SYNE3: variants seen among roughly 807,000 people sequenced by gnomAD.
SYNE3 encodes the protein nesprin-3.
Under a neutral mutation model 111.2 loss-of-function variants are expected in SYNE3, and 100 were observed. That is an observed-to-expected ratio of 0.90 (90% confidence interval 0.77 to 1.06). The LOEUF is 1.06. SYNE3 is among the 50% of genes least tolerant of loss of function. The probability of loss-of-function intolerance (pLI) is 0.00; values close to 1 mark genes in which losing one functional copy is unlikely to be tolerated. For synonymous variants in SYNE3, 547 were observed against 533.9 expected, an observed-to-expected ratio of 1.02 and a Z score of -0.34; for missense variants, 1,160 against 1,240.3, an observed-to-expected ratio of 0.94 and a Z score of 0.97.
chr14:95,497,055 T>C (rs1302015010), intron 1 of SYNE3, among the ~76,000 whole-genome samples: 1 of 152,216 alleles, frequency 6.6e-6, no homozygotes, highest in Non-Finnish European at 1.5e-5. Context: ...GCTGGAAGAT[T>C]AGGGCCAATT....
chr14:95,418,920 C>T (rs1364339846), intron 17 of SYNE3, among the ~76,000 whole-genome samples: 1 of 152,046 alleles, frequency 6.6e-6, no homozygotes, highest in African/African-American at 2.4e-5. Flanking sequence ...CTTTTCCTCC[C>T]TCTTTCCTTC....
intron 1 of SYNE3, among the ~76,000 whole-genome samples, chr14:95,511,049 A>G (rs1245472480): frequency 6.6e-6 from 1 of 152,378 alleles, no homozygotes; most frequent in Admixed American, 6.5e-5. Context: ...ATGTGCTCAT[A>G]GCACAATGCA....
intron 11 of SYNE3, among the ~76,000 whole-genome samples, chr14:95,442,380 A>G (rs569883689): frequency 2.0e-5 from 3 of 152,274 alleles, no homozygotes; most frequent in African/African-American, 7.2e-5. Context: ...TATATTCCCT[A>G]TGAATTTCAG....
chr14:95,415,276 G>GCCCCCCCCCCCCCCCCCCCCCC lies in SYNE3; in HGVS notation c.*2549_*2550insGGGGGGGGGGGGGGGGGGGGGG. The GCCCCCCCCCCCCCCCCCCCCCC allele has an allele frequency of 1.5e-3, 211 of 139,596 alleles. No individual in the cohort carries two copies. The highest frequency in any genetic ancestry group is 2.9e-3 in the Admixed American group (39 of 13,640). 8.6% of individuals were successfully genotyped at this position (139,596 alleles called of 1,614,324 possible). ...CATAGGAAAGTGGACACCTGGCAAG[G>GCCCCCCCCCCCCCCCCCCCCCC]CCCCCCCACCCACCCACCCTGCCAC... On this transcript the variant is annotated 3_prime_UTR_variant, in exon 18 of 18. Transcript: ENST00000682763.
At chr14:95,438,959 G>C (rs1191597050) in intron 14 of SYNE3, 74 bp downstream of exon 14, 3 of 1,586,356 alleles carry the variant, frequency 1.9e-6, no homozygotes, top group Non-Finnish European at 2.6e-6. Context: ...GGAGGGGCCT[G>C]TGCTGGAGAC....
chr14:95,467,986 C>T lies in SYNE3; in HGVS notation c.145-19G>A. ...ATATTTTCTGTTGTGGACACACAAG[C>T]CAGTTTCCAGGGTTGGCAAAAGGCA... On this transcript the variant is annotated intron_variant, in intron 2 of 17. Coordinates refer to ENST00000682763, the MANE Select transcript of SYNE3 (RefSeq NM_152592.6). 6.3e-7 allele frequency: 1 copy of T among 1,596,582 alleles called. No homozygotes were observed. Among genetic ancestry groups the T allele is most frequent in the Non-Finnish European group, 8.6e-7 (1 of 1,168,704 alleles).
chr14:95,513,773 T>TATATATATATA (rs1890810671), intron 1 of SYNE3, among the ~76,000 whole-genome samples: 2 of 68,602 alleles, frequency 2.9e-5, no homozygotes, highest in Admixed American at 1.3e-4. Flanking sequence ...ATATATATAT[T>TATATATATATA]CAGAATCCAT....
chr14:95,512,274 A>G (rs1443605298), intron 1 of SYNE3, among the ~76,000 whole-genome samples: 1 of 152,244 alleles, frequency 6.6e-6, no homozygotes, highest in African/African-American at 2.4e-5. Flanking sequence ...ATTTTCTAAG[A>G]AAGCATCTGA....
At chr14:95,476,557 A>G (rs1888902320) in intron 1 of SYNE3, among the ~76,000 whole-genome samples, 1 of 152,224 alleles carries the variant, frequency 6.6e-6, no homozygotes, top group Non-Finnish European at 1.5e-5. Flanking sequence ...TGGACTGTCC[A>G]TTTGACTTCC....
At chr14:95,421,792 T>A (rs1204550489) in intron 17 of SYNE3, among the ~76,000 whole-genome samples, 4 of 152,190 alleles carry the variant, frequency 2.6e-5, no homozygotes, top group Non-Finnish European at 5.9e-5. Context: ...ACGCTATCTC[T>A]CAGCTCCTTA....
intron 7 of SYNE3, 144 bp downstream of exon 7, chr14:95,452,103 C>T: frequency 9.7e-7 from 1 of 1,034,452 alleles, no homozygotes; most frequent in South Asian, 2.1e-5. Context: ...CAAGTGAGAA[C>T]CTCTAAAAGC....
chr14:95,456,458 T>C (rs1260790405), intron 5 of SYNE3, among the ~76,000 whole-genome samples: 1 of 152,184 alleles, frequency 6.6e-6, no homozygotes, highest in Non-Finnish European at 1.5e-5. Flanking sequence ...TGTGGGGCTG[T>C]CCTGTGCACT....
chr14:95,504,617 T>C (rs1448205513), intron 1 of SYNE3, among the ~76,000 whole-genome samples: 1 of 152,206 alleles, frequency 6.6e-6, no homozygotes, highest in Non-Finnish European at 1.5e-5. Context: ...CTCCAAGCAC[T>C]ATCTGAATCA....
chr14:95,471,916 CT>C (rs1888554036), intron 2 of SYNE3, among the ~76,000 whole-genome samples: 2 of 152,192 alleles, frequency 1.3e-5, no homozygotes, highest in Admixed American at 1.3e-4. Flanking sequence ...AGGGTTTTCC[CT>C]CAACCCAGCC....
Position 95,452,234 on chromosome 14 carries a change from C to T in SYNE3, c.1274+13G>A. 1.3e-6 allele frequency: 2 copies of T among 1,581,974 alleles called. No individual in the cohort carries two copies. Among genetic ancestry groups the T allele is most frequent in the South Asian group, 1.1e-5 (1 of 88,040 alleles). On this transcript the variant is annotated intron_variant, in intron 7 of 17. Coordinates refer to ENST00000682763, the MANE Select transcript of SYNE3 (RefSeq NM_152592.6). ...ACACCCTGAGTCCCACCACCCTTGGCCTTCCCAGATACCTCTGATACTCCT... is the reference window on the plus strand; with the variant it reads ...ACACCCTGAGTCCCACCACCCTTGGTCTTCCCAGATACCTCTGATACTCCT...
intron 17 of SYNE3, chr14:95,430,042 G>A (rs754187084): frequency 7.1e-5 from 48 of 675,432 alleles, no homozygotes; most frequent in Admixed American, 1.3e-4. Flanking sequence ...AGCAATGAAC[G>A]CTATGGCTGT....
At chr14:95,458,876 C>G (rs936477124) in intron 4 of SYNE3, among the ~76,000 whole-genome samples, 1 of 152,222 alleles carries the variant, frequency 6.6e-6, no homozygotes, top group Non-Finnish European at 1.5e-5. Context: ...ATTTAATAAG[C>G]ACCTATGCTA....
At chr14:95,440,166 C>T (rs1004223825) in intron 11 of SYNE3, 91 bp from the exon 12 acceptor site, 132 of 1,453,136 alleles carry the variant, frequency 9.1e-5, no homozygotes, top group Non-Finnish European at 1.1e-4. Context: ...GCTCTCACAC[C>T]CGCTGGGGAC....
intron 2 of SYNE3, among the ~76,000 whole-genome samples, chr14:95,468,838 A>G (rs1888351005): frequency 6.6e-6 from 1 of 152,204 alleles, no homozygotes; most frequent in Admixed American, 6.5e-5. Context: ...GTAAGTGTCC[A>G]AGTAATGCTA....
Sources: allele counts gnomAD v4.1 joint callset (sites outside exome capture counted in the v4.1 genomes callset), GRCh38; gene constraint gnomAD v4.1.1; transcripts MANE v1.5; gene names NCBI Gene and HGNC (gene_info 2026-07-23, HGNC 2026-07-21).